CAPN8: variants seen among roughly 807,000 people sequenced by gnomAD.
CAPN8 encodes the protein calpain-8.
A neutral mutation model predicts 80.9 loss-of-function variants in CAPN8; 87 were observed. That is an observed-to-expected ratio of 1.07 (90% CI 0.90 to 1.28). The LOEUF is 1.28. Ranked by LOEUF, CAPN8 falls within the 50% of genes most tolerant of loss-of-function variation. CAPN8 has a pLI of 0.00. For missense variants in CAPN8, 757 were observed against 702.0 expected, an observed-to-expected ratio of 1.08 and a Z score of -0.89; for synonymous variants, 299 against 273.8, an observed-to-expected ratio of 1.09 and a Z score of -0.91.
At chr1:223,553,976 C>A in intron 13 of CAPN8, 76 bp from the exon 14 acceptor site, 1 of 398,042 alleles carries the variant, frequency 2.5e-6, no homozygotes, top group South Asian at 1.3e-4. Flanking sequence ...AAAATTCATT[C>A]CTTCATCCAT....
chr1:223,628,400 A>G (rs1243129023), intron 3 of CAPN8, among the ~76,000 whole-genome samples: 1 of 152,120 alleles, frequency 6.6e-6, no homozygotes, highest in Non-Finnish European at 1.5e-5. Flanking sequence ...ATTCAGACCC[A>G]CACCTCCTGA....
intron 1 of CAPN8, among the ~76,000 whole-genome samples, chr1:223,664,003 G>A (rs986095854): frequency 1.3e-5 from 2 of 152,210 alleles, no homozygotes; most frequent in East Asian, 1.9e-4. Context: ...CCTCTCCTGA[G>A]ACGTTGTTAT....
chr1:223,554,944 A>G (rs1656871822), intron 13 of CAPN8, among the ~76,000 whole-genome samples: 1 of 152,264 alleles, frequency 6.6e-6, no homozygotes, highest in South Asian at 2.1e-4. Context: ...AGTTGTCACC[A>G]CAAGACAGAA....
intron 9 of CAPN8, chr1:223,617,710 C>T (rs1315556474): frequency 6.6e-6 from 1 of 152,538 alleles, no homozygotes; most frequent in Non-Finnish European, 1.5e-5. Context: ...AAAAATAATA[C>T]TCCCATTTAT....
At chr1:223,663,144 A>T (rs560052416) in intron 1 of CAPN8, among the ~76,000 whole-genome samples, 1 of 152,190 alleles carries the variant, frequency 6.6e-6, no homozygotes, top group Admixed American at 6.5e-5. Context: ...TCCTCCTTTG[A>T]CAGCCACAAA....
Position 223,664,369 on chromosome 1 carries a change from G to T in CAPN8, c.237+1041C>A, listed in dbSNP as rs185099933. Among the ~76,000 whole-genome samples, 433 of 152,340 alleles carry T rather than the reference G, an allele frequency of 2.8e-3. 2 individuals carry two copies. Among genetic ancestry groups the T allele is most frequent in the African/African-American group, 0.01 (419 of 41,564 alleles). Reference sequence around the variant, plus strand: ...AGCTGATTGCATCCAGCACTGAGTTGTTCCATTGTGCACTGGCCCAGGGAC... The same window carrying T: ...AGCTGATTGCATCCAGCACTGAGTTTTTCCATTGTGCACTGGCCCAGGGAC... On this transcript the variant is annotated intron_variant, in intron 1 of 20. Transcript: ENST00000366872.
chr1:223,617,502 T>A (rs569044288), intron 9 of CAPN8: 8 of 152,340 alleles, frequency 5.3e-5, no homozygotes, highest in Non-Finnish European at 8.8e-5. Context: ...TGGATGGGAC[T>A]GTGATTTGGT....
intron 2 of CAPN8, chr1:223,642,615 T>C (rs1393026923): frequency 2.7e-6 from 1 of 364,606 alleles, no homozygotes; most frequent in Non-Finnish European, 5.3e-6. Flanking sequence ...TTAATGTACT[T>C]CAAAACAGAG....
intron 2 of CAPN8, among the ~76,000 whole-genome samples, chr1:223,639,145 C>T (rs1657982533): frequency 6.6e-6 from 1 of 152,176 alleles, no homozygotes; most frequent in African/African-American, 2.4e-5. Context: ...GAGGCTGAGG[C>T]AGGAGAATTG....
intron 13 of CAPN8, among the ~76,000 whole-genome samples, chr1:223,554,719 G>T (rs1242295788): frequency 6.6e-6 from 1 of 152,216 alleles, no homozygotes; most frequent in Non-Finnish European, 1.5e-5. Flanking sequence ...ATAGCAGATT[G>T]TACCCTTACT....
At chr1:223,632,290 C>T (rs1657793507) in intron 2 of CAPN8, among the ~76,000 whole-genome samples, 1 of 152,230 alleles carries the variant, frequency 6.6e-6, no homozygotes, top group Admixed American at 6.5e-5. Flanking sequence ...GGAAGATGGA[C>T]ATTTACTCTG....
chr1:223,653,127 A>G (rs1658384973), intron 2 of CAPN8, among the ~76,000 whole-genome samples: 1 of 151,132 alleles, frequency 6.6e-6, no homozygotes, highest in Non-Finnish European at 1.5e-5. Context: ...GTAAAAAGGC[A>G]CCACACTTAC....
At chr1:223,627,439 G>A (rs901951456) in intron 4 of CAPN8, among the ~76,000 whole-genome samples, 4 of 152,214 alleles carry the variant, frequency 2.6e-5, no homozygotes, top group Admixed American at 6.5e-5. Context: ...CTGGGTTTCT[G>A]GGGGCTGGGG....
At chr1:223,641,308 AC>A (rs1658033442) in intron 2 of CAPN8, among the ~76,000 whole-genome samples, 1 of 151,760 alleles carries the variant, frequency 6.6e-6, no homozygotes, top group African/African-American at 2.4e-5. Flanking sequence ...TCACATGAAA[AC>A]TTTTTCATAA....
intron 14 of CAPN8, among the ~76,000 whole-genome samples, chr1:223,552,389 C>A (rs1656811512): frequency 1.3e-5 from 2 of 152,060 alleles, no homozygotes. Flanking sequence ...TATGGCGAAA[C>A]CCTGTCTCTA....
At chr1:223,643,596 G>A (rs1007962751) in intron 2 of CAPN8, among the ~76,000 whole-genome samples, 4 of 152,266 alleles carry the variant, frequency 2.6e-5, no homozygotes, top group African/African-American at 4.8e-5. Flanking sequence ...GGGAGTAGTA[G>A]AGGGGACACT....
chr1:223,654,726 A>G (rs1658432610), intron 1 of CAPN8, among the ~76,000 whole-genome samples: 1 of 151,938 alleles, frequency 6.6e-6, no homozygotes, highest in South Asian at 2.1e-4. Flanking sequence ...CCCAGCCTGG[A>G]GTGCAGTGGC....
chr1:223,552,368 A>T (rs1656810309), intron 14 of CAPN8, among the ~76,000 whole-genome samples: 1 of 152,154 alleles, frequency 6.6e-6, no homozygotes, highest in South Asian at 2.1e-4. Context: ...GTTCGAGACC[A>T]GCCTGGCCAA....
At chr1:223,618,423 CCCT>C in intron 9 of CAPN8, 7 of 1,150,606 alleles carry the variant, frequency 6.1e-6, no homozygotes, top group Non-Finnish European at 8.7e-6. Flanking sequence ...GACACGCATG[CCCT>C]GTGTGTGGCC....
Sources: allele counts gnomAD v4.1 joint callset (sites outside exome capture counted in the v4.1 genomes callset), GRCh38; gene constraint gnomAD v4.1.1; transcripts MANE v1.5; gene names NCBI Gene and HGNC (gene_info 2026-07-23, HGNC 2026-07-21).